The following PGAP1 variants were observed in gnomAD, a reference collection of about 807,000 sequenced individuals.
PGAP1 encodes post-GPI attachment to proteins inositol deacylase 1.
In PGAP1, 76 loss-of-function variants were observed where a neutral mutation model predicts 127.0. The ratio of observed to expected loss-of-function variants is 0.60; its 90% CI spans 0.50 to 0.72. The LOEUF is 0.72. Among genes scored for constraint, PGAP1 ranks in the 30% least tolerant of loss-of-function variants. The pLI, the probability that PGAP1 is intolerant of heterozygous loss-of-function variation, is 0.00. For missense variants in PGAP1, 982 were observed against 1,071.3 expected (o/e 0.92, Z 1.16); for synonymous variants, 362 against 366.5 (o/e 0.99, Z 0.14).
intron 20 of PGAP1, among the ~76,000 whole-genome samples, chr2:196,856,408 T>G (rs147012490): frequency 6.6e-6 from 1 of 152,230 alleles, no homozygotes; most frequent in Non-Finnish European, 1.5e-5. Flanking sequence ...CACCTGTTAT[T>G]AGAATGTAGC....
chr2:196,916,061 G>A (rs1702995998), intron 3 of PGAP1, among the ~76,000 whole-genome samples: 1 of 152,092 alleles, frequency 6.6e-6, no homozygotes, highest in Admixed American at 6.6e-5. Context: ...CACATATCTT[G>A]ACCAGTTTTA....
At chr2:196,891,845 A>G (rs74367790) in intron 9 of PGAP1, among the ~76,000 whole-genome samples, 6,990 of 152,160 alleles carry the variant, frequency 0.046, 204 homozygotes, top group South Asian at 0.083. Context: ...AAAAAGAGAG[A>G]AAGTCTAGCA....
intron 20 of PGAP1, among the ~76,000 whole-genome samples, chr2:196,853,293 G>A (rs1378105936): frequency 6.6e-6 from 1 of 152,222 alleles, no homozygotes; most frequent in Non-Finnish European, 1.5e-5. Flanking sequence ...GTTATGGCCT[G>A]AGGCCGAAAT....
chr2:196,897,215 T>A lies in PGAP1; in HGVS notation c.861-18A>T, dbSNP rs1184362537. 2.7e-6 allele frequency: 4 copies of A among 1,488,880 alleles called. No individual in the cohort carries two copies. The South Asian group carries it at 5.1e-5, about 19-fold the overall frequency. 92.2% of individuals were successfully genotyped at this position (1,488,880 alleles called of 1,614,324 possible). Reference sequence around the variant, plus strand: ...GTTTACACCTAAGGAATAAAGTAAGTGTTACAAATAAAACTTTCTTAAAAC... The same window carrying A: ...GTTTACACCTAAGGAATAAAGTAAGAGTTACAAATAAAACTTTCTTAAAAC... On this transcript the variant is annotated intron_variant, in intron 6 of 26. Transcript: ENST00000354764.
Position 196,916,609 on chromosome 2 carries a change from G to A in PGAP1, c.302-16C>T, listed in dbSNP as rs762101971. 6.3e-6 allele frequency: 10 copies of A among 1,586,898 alleles called. No homozygotes were observed. Among genetic ancestry groups the A allele is most frequent in the East Asian group, 2.3e-5 (1 of 44,044 alleles). ...ATAGAACGAACTGCAGAGGAAAAGA[G>A]TGAAGTGCACATTAAACAATATTTA... On this transcript the variant is annotated splice_polypyrimidine_tract_variant and intron_variant, in intron 2 of 26. Coordinates refer to ENST00000354764, the MANE Select transcript of PGAP1 (RefSeq NM_024989.4).
chr2:196,873,928 A>G, intron 14 of PGAP1, 170 bp from the exon 15 acceptor site: 1 of 502,434 alleles, frequency 2.0e-6, no homozygotes, highest in Non-Finnish European at 3.5e-6. Context: ...AATAAACTCT[A>G]GACAAAATAA....
intron 19 of PGAP1, 48 bp from the exon 20 acceptor site, chr2:196,865,128 T>C (rs763155428): frequency 4.5e-5 from 46 of 1,029,316 alleles, no homozygotes; most frequent in Non-Finnish European, 4.1e-5. Context: ...TTCATGTTAA[T>C]AAGTGTACTT....
At chr2:196,897,865 C>T (rs1184442392) in intron 6 of PGAP1, among the ~76,000 whole-genome samples, 2 of 152,172 alleles carry the variant, frequency 1.3e-5, no homozygotes, top group Admixed American at 1.3e-4. Context: ...GATGAGAGTT[C>T]CAAGCTTCTA....
intron 1 of PGAP1, among the ~76,000 whole-genome samples, chr2:196,924,992 CTAAT>C (rs1185610317): frequency 6.6e-6 from 1 of 152,082 alleles, no homozygotes; most frequent in East Asian, 1.9e-4. Flanking sequence ...TGGGAGTTTC[CTAAT>C]TATTAAACCA....
chr2:196,890,841 T>C lies in PGAP1; in HGVS notation c.1160A>G (p.Gln387Arg), dbSNP rs990121441. The C allele has an allele frequency of 1.3e-6, 2 of 1,536,372 alleles. No individual in the cohort carries two copies. Among genetic ancestry groups the C allele is most frequent in the African/African-American group, 2.7e-5 (2 of 73,196 alleles). ...HRKIYTHVYC[Q>R]STMLDTNSWI... Reference sequence around the variant, plus strand: ...CAATTATCTTACCAGCATAGTGCTCTGACAATAGACATGAGTGTAGATTTT... The same window carrying C: ...CAATTATCTTACCAGCATAGTGCTCCGACAATAGACATGAGTGTAGATTTT... The change falls in exon 10 of 27, where the codon CAG becomes CGG. Residue 387 changes from glutamine (Q) to arginine (R), a missense_variant. Gln to Arg is a conservative substitution (Grantham distance 43). Transcript: ENST00000354764.
At chr2:196,850,705 AAGGAAGGG>A (rs1004934959) in intron 20 of PGAP1, among the ~76,000 whole-genome samples, 4 of 151,676 alleles carry the variant, frequency 2.6e-5, no homozygotes, top group African/African-American at 9.7e-5. Flanking sequence ...GGAAAAATGG[AAGGAAGGG>A]AGGAAGGGAG....
intron 5 of PGAP1, among the ~76,000 whole-genome samples, chr2:196,899,625 A>C (rs1277182365): frequency 1.3e-5 from 2 of 152,274 alleles, no homozygotes; most frequent in Non-Finnish European, 2.9e-5. Flanking sequence ...AGGCAACACA[A>C]ATCAAAAAGT....
At chr2:196,918,960 TATG>T (rs2125839391) in intron 2 of PGAP1, among the ~76,000 whole-genome samples, 1 of 152,368 alleles carries the variant, frequency 6.6e-6, no homozygotes, top group African/African-American at 2.4e-5. Flanking sequence ...CCACAGCTTA[TATG>T]ATATGGCCCG....
chr2:196,859,940 C>T (rs998730845), intron 20 of PGAP1, among the ~76,000 whole-genome samples: 3 of 151,970 alleles, frequency 2.0e-5, no homozygotes, highest in Admixed American at 6.6e-5. Context: ...GCTTTTCCTC[C>T]AAGATCTAAA....
rs201002323 is a variant in PGAP1 at position 196,873,021 on chromosome 2, T to C, written c.1558A>G (p.Ile520Val). 43 of 893,434 alleles carry C rather than the reference T, an allele frequency of 4.8e-5. No individual in the cohort carries two copies. Among genetic ancestry groups the C allele is most frequent in the East Asian group, 1.9e-4 (7 of 36,438 alleles). 55.3% of individuals were successfully genotyped at this position (893,434 alleles called of 1,614,324 possible). A position where few individuals can be genotyped will look rare whatever the true frequency, so the allele number is the denominator to read the frequency against. The change falls in exon 17 of 27, where the codon ATA (isoleucine) becomes GTA (valine). Residue 520 changes from isoleucine to valine, a missense_variant. Ile to Val is a conservative substitution (Grantham distance 29, BLOSUM62 3). Transcript: ENST00000354764. ...VSKCSAVKEEITSIYRLHIPW... is the reference protein window; with the variant it reads ...VSKCSAVKEEVTSIYRLHIPW... The stretch of plus-strand genomic sequence containing the variant: ...ATATGAAGTCTATAGATACTGGTTA[T>C]TTCTTCTGTTAAAACATTTAAAAAA...
In PGAP1 at chr2:196,833,803, G is replaced by T. The variant is rs192871517; in HGVS notation, c.*7431C>A. The T allele has an allele frequency of 6.6e-6, 1 of 151,904 alleles. No homozygotes were observed. Among genetic ancestry groups the T allele is most frequent in the African/African-American group, 2.4e-5 (1 of 41,388 alleles). The allele number at this position is 151,904 out of a possible 1,614,324, so 9.4% of individuals were successfully genotyped here. A position where few individuals can be genotyped will look rare whatever the true frequency, so the allele number is the denominator to read the frequency against. ...TTATCAGAGACCATGATTATCCTGT[G>T]AATAAAATAATTTGGACCTTAATAT... On this transcript the variant is annotated 3_prime_UTR_variant, in exon 27 of 27. Transcript: ENST00000354764.
chr2:196,871,319 A>G (rs2125798806), intron 18 of PGAP1, among the ~76,000 whole-genome samples: 1 of 152,334 alleles, frequency 6.6e-6, no homozygotes, highest in South Asian at 2.1e-4. Context: ...AATATTTTAA[A>G]AAGAAATTCA....
At chr2:196,874,308 T>A (rs1701494544) in intron 14 of PGAP1, among the ~76,000 whole-genome samples, 1 of 152,000 alleles carries the variant, frequency 6.6e-6, no homozygotes, top group Non-Finnish European at 1.5e-5. Flanking sequence ...ATGAATAAAA[T>A]AGATACCTCT....
At chr2:196,866,251 A>G (rs1701237164) in intron 19 of PGAP1, among the ~76,000 whole-genome samples, 1 of 152,218 alleles carries the variant, frequency 6.6e-6, no homozygotes, top group Non-Finnish European at 1.5e-5. Flanking sequence ...CCAAAACAAT[A>G]TGGTACTGGT....
Sources: gnomAD v4.1 joint callset for allele counts (sites outside exome capture counted in the v4.1 genomes callset) on GRCh38, gnomAD v4.1.1 for gene constraint, MANE v1.5 for transcripts, NCBI Gene and HGNC (gene_info 2026-07-23, HGNC 2026-07-21) for gene names.